DAB1: variants seen among roughly 807,000 people sequenced by gnomAD.
DAB1 encodes DAB adaptor protein 1.
DAB1 carries 15 observed loss-of-function variants against 64.6 expected under a neutral mutation model. The ratio of observed to expected loss-of-function variants is 0.23; its 90% CI spans 0.16 to 0.36. DAB1 has a LOEUF of 0.36. DAB1 is among the 10% of genes least tolerant of loss of function. The probability of loss-of-function intolerance (pLI) is 1.00; values close to 1 mark genes in which losing one functional copy is unlikely to be tolerated. For synonymous variants in DAB1, 235 were observed against 251.9 expected (o/e 0.93, Z 0.64); for missense variants, 596 against 706.7 (o/e 0.84, Z 1.78).
intron 1 of DAB1, among the ~76,000 whole-genome samples, chr1:57,422,695 A>G (rs772041206): frequency 2.6e-4 from 40 of 152,088 alleles, no homozygotes; most frequent in Non-Finnish European, 4.7e-4. Flanking sequence ...CAGACCCCCA[A>G]CAATGAGGAT....
At chr1:58,366,003 C>G (rs1220569202) in intron 3 of DAB1, among the ~76,000 whole-genome samples, 1 of 152,062 alleles carries the variant, frequency 6.6e-6, no homozygotes, top group Non-Finnish European at 1.5e-5. Flanking sequence ...AAGAAACAGG[C>G]CCTGGCAAAA....
At chr1:57,483,495 G>A (rs1644049943) in intron 7 of DAB1, among the ~76,000 whole-genome samples, 1 of 152,152 alleles carries the variant, frequency 6.6e-6, no homozygotes, top group South Asian at 2.1e-4. Flanking sequence ...ATGTGCAACT[G>A]TGAGTCCATT....
At chr1:57,764,490 C>T (rs981362686) in intron 6 of DAB1, among the ~76,000 whole-genome samples, 1 of 152,146 alleles carries the variant, frequency 6.6e-6, no homozygotes, top group Non-Finnish European at 1.5e-5. Flanking sequence ...CTATAGTCCT[C>T]CTACAATGAT....
intron 4 of DAB1, among the ~76,000 whole-genome samples, chr1:57,106,360 C>T (rs74987737): frequency 5.9e-5 from 9 of 151,472 alleles, no homozygotes; most frequent in African/African-American, 9.7e-5. Context: ...CTCTACACAG[C>T]GGGTGGAAGG....
At position 57,228,151 on chromosome 1, in the gene DAB1, C is replaced by A. The variant is rs140057480; in HGVS notation, c.67+62813G>T. Among the ~76,000 whole-genome samples the A allele has an allele frequency of 2.1e-3, 325 of 152,268 alleles. 4 individuals are homozygous for A. Among genetic ancestry groups the A allele is most frequent in the African/African-American group, 7.5e-3 (311 of 41,552 alleles). On this transcript the variant is annotated intron_variant, in intron 2 of 14. Coordinates refer to ENST00000371236, the MANE Select transcript of DAB1 (RefSeq NM_001365792.1). ...GTACCTGCTCAATAAGCCTTAATAT[C>A]TGGGCATATGATATCTGCAACTTTG...
chr1:58,471,125 T>C (rs1331326594), intron 3 of DAB1, among the ~76,000 whole-genome samples: 1 of 152,198 alleles, frequency 6.6e-6, no homozygotes, highest in East Asian at 1.9e-4. Context: ...AATATCTCAC[T>C]TCACAAAAAG....
intron 5 of DAB1, among the ~76,000 whole-genome samples, chr1:57,895,322 G>T (rs1360452460): frequency 1.3e-5 from 2 of 152,196 alleles, no homozygotes; most frequent in Non-Finnish European, 2.9e-5. Context: ...GATAGATGAA[G>T]AAGCTGAGAG....
intron 2 of DAB1, among the ~76,000 whole-genome samples, chr1:57,174,232 C>T (rs1370369839): frequency 1.3e-5 from 2 of 152,146 alleles, no homozygotes; most frequent in Admixed American, 6.5e-5. Flanking sequence ...TGACTTACCC[C>T]ACCCTCTCTA....
chr1:58,146,812 A>T (rs547312863), intron 5 of DAB1, among the ~76,000 whole-genome samples: 1 of 152,108 alleles, frequency 6.6e-6, no homozygotes, highest in African/African-American at 2.4e-5. Context: ...AACATATACC[A>T]TAATTCCTTT....
intron 7 of DAB1, among the ~76,000 whole-genome samples, chr1:57,442,989 C>G (rs1194417166): frequency 1.3e-5 from 2 of 152,214 alleles, no homozygotes; most frequent in Admixed American, 1.3e-4. Flanking sequence ...TGCTACAGCA[C>G]TCTCCTACCC....
At chr1:57,720,785 T>G (rs1647141103) in intron 6 of DAB1, among the ~76,000 whole-genome samples, 1 of 152,208 alleles carries the variant, frequency 6.6e-6, no homozygotes, top group Non-Finnish European at 1.5e-5. Flanking sequence ...CTGACCAATT[T>G]CTTTCCAGTT....
intron 5 of DAB1, among the ~76,000 whole-genome samples, chr1:57,965,589 T>C (rs1184823786): frequency 6.6e-6 from 1 of 152,176 alleles, no homozygotes; most frequent in African/African-American, 2.4e-5. Context: ...CTCAACCACA[T>C]GAGCTCAGAA....
chr1:58,204,834 C>T (rs1310728738), intron 4 of DAB1, among the ~76,000 whole-genome samples: 3 of 152,058 alleles, frequency 2.0e-5, no homozygotes, highest in Non-Finnish European at 2.9e-5. Flanking sequence ...ACAAAATGTG[C>T]CCATAAAAAC....
chr1:58,185,123 T>C (rs1013892202), intron 4 of DAB1, among the ~76,000 whole-genome samples: 6 of 152,204 alleles, frequency 3.9e-5, no homozygotes, highest in African/African-American at 1.4e-4. Context: ...TAGAATAATA[T>C]AAGTGAAACC....
At chr1:57,926,325 T>C (rs1644879322) in intron 5 of DAB1, among the ~76,000 whole-genome samples, 1 of 152,210 alleles carries the variant, frequency 6.6e-6, no homozygotes, top group Admixed American at 6.5e-5. Flanking sequence ...CTTTCATTTG[T>C]AACAGAAGTG....
chr1:58,139,712 C>A (rs1190856834), intron 5 of DAB1, among the ~76,000 whole-genome samples: 1 of 152,192 alleles, frequency 6.6e-6, no homozygotes, highest in African/African-American at 2.4e-5. Context: ...CTGTGAAAAG[C>A]TTAAGCCTTG....
intron 1 of DAB1, among the ~76,000 whole-genome samples, chr1:57,373,415 CGT>C (rs1319148039): frequency 6.6e-6 from 1 of 152,036 alleles, no homozygotes; most frequent in Non-Finnish European, 1.5e-5. Context: ...TGTGTGTGCA[CGT>C]GTGTGTGTAT....
intron 3 of DAB1, among the ~76,000 whole-genome samples, chr1:58,381,921 TCAAAGAAGTGAGACTGAATGACACC>T (rs1644393496): frequency 6.6e-6 from 1 of 151,942 alleles, no homozygotes. Context: ...AATGACACCA[TCAAAGAAGTGAGACTGAATGACACC>T]ATCAAAGAAG....
At chr1:58,330,872 G>A (rs930001014) in intron 4 of DAB1, among the ~76,000 whole-genome samples, 1 of 152,186 alleles carries the variant, frequency 6.6e-6, no homozygotes, top group African/African-American at 2.4e-5. Context: ...GGGCTCTGAT[G>A]GAGATATACA....
Sources: allele counts gnomAD v4.1 joint callset (sites outside exome capture counted in the v4.1 genomes callset), GRCh38; gene constraint gnomAD v4.1.1; transcripts MANE v1.5; gene names NCBI Gene and HGNC (gene_info 2026-07-23, HGNC 2026-07-21).